The following PTPRE variants were observed in gnomAD, a reference collection of about 807,000 sequenced individuals.
PTPRE encodes protein tyrosine phosphatase receptor type E.
Under a neutral mutation model 102.0 loss-of-function variants are expected in PTPRE, and 51 were observed. The observed-to-expected ratio is 0.50, with a 90% confidence interval of 0.40 to 0.63. PTPRE has a LOEUF of 0.63. Ranked by LOEUF, PTPRE falls within the 30% of genes least tolerant of loss-of-function variation. The probability of loss-of-function intolerance (pLI) is 0.00; values close to 1 mark genes in which losing one functional copy is unlikely to be tolerated. For synonymous variants in PTPRE, 345 were observed against 348.2 expected (o/e 0.99, Z 0.10); for missense variants, 752 against 915.1 (o/e 0.82, Z 2.30).
chr10:127,991,107 C>T (rs1852607384), intron 2 of PTPRE, among the ~76,000 whole-genome samples: 1 of 152,178 alleles, frequency 6.6e-6, no homozygotes. Context: ...CTCGATATCA[C>T]TCTGTTCCCC....
chr10:127,935,357 C>T (rs993382418), intron 1 of PTPRE, among the ~76,000 whole-genome samples: 7 of 152,114 alleles, frequency 4.6e-5, no homozygotes, highest in Non-Finnish European at 8.8e-5. Context: ...CGCTGGTGGG[C>T]GTGTGAGATC....
rs561038224 is a variant in PTPRE, at chr10:128,009,672, T to C, written c.-8+27376T>C. Among the ~76,000 whole-genome samples the C allele has an allele frequency of 3.4e-3, 513 of 152,296 alleles. 2 individuals carry two copies. Among genetic ancestry groups the C allele is most frequent in the Non-Finnish European group, 4.8e-3 (329 of 68,022 alleles). ...AACTTGTGGCCCAGGCTCTTTGCAG[T>C]GCGTGTGCTGCAAAGGACAGCCCTG... On this transcript the variant is annotated intron_variant, in intron 2 of 20. Transcript: ENST00000254667.
chr10:128,028,459 C>A lies in PTPRE; in HGVS notation c.-7-12416C>A, dbSNP rs2135728120. ...TCTTTCTCCAGCTGCCTCTGAAGGT[C>A]ACAGAATCTGCATTTCTTAGGAAAA... On this transcript the variant is annotated intron_variant, in intron 2 of 20. Transcript: ENST00000254667. This position sits in a 1 kb window ranked among gnomAD's most constrained non-coding sequence, Gnocchi z 4.5. Among the ~76,000 whole-genome samples the A allele has an allele frequency of 2.0e-5, 3 of 152,290 alleles. No individual in the cohort carries two copies. In the East Asian group the frequency reaches 5.8e-4, roughly 29 times the overall value.
At chr10:128,029,588 C>T (rs1421427023) in intron 2 of PTPRE, among the ~76,000 whole-genome samples, 2 of 152,144 alleles carry the variant, frequency 1.3e-5, no homozygotes, top group East Asian at 1.9e-4. Flanking sequence ...GCTGAAGGCC[C>T]GTGGGTCTCC....
At chr10:127,975,642 CA>C (rs1290285284) in intron 1 of PTPRE, among the ~76,000 whole-genome samples, 1 of 152,168 alleles carries the variant, frequency 6.6e-6, no homozygotes, top group Admixed American at 6.5e-5. Flanking sequence ...ACTGATTTAA[CA>C]TATCTGAGTA....
intron 3 of PTPRE, among the ~76,000 whole-genome samples, 180 bp downstream of exon 3, chr10:128,041,170 G>T (rs1847659772): frequency 6.6e-6 from 1 of 152,176 alleles, no homozygotes; most frequent in Non-Finnish European, 1.5e-5. Flanking sequence ...TTTAGCATTT[G>T]GTTGTTCAGC....
chr10:127,938,224 G>A (rs1847969545), intron 1 of PTPRE, among the ~76,000 whole-genome samples: 1 of 152,204 alleles, frequency 6.6e-6, no homozygotes, highest in African/African-American at 2.4e-5. Flanking sequence ...TTGTAAAGGA[G>A]CCAGCATAGC....
chr10:128,032,674 G>A (rs1846872029), intron 2 of PTPRE, among the ~76,000 whole-genome samples: 1 of 152,214 alleles, frequency 6.6e-6, no homozygotes, highest in Non-Finnish European at 1.5e-5. Context: ...GGCCACTTGT[G>A]GCACCAGCCA....
chr10:128,036,153 T>A (rs1402529492), intron 2 of PTPRE, among the ~76,000 whole-genome samples: 1 of 151,854 alleles, frequency 6.6e-6, no homozygotes, highest in Non-Finnish European at 1.5e-5. Context: ...CCTTCTGCCC[T>A]CCCCCGAGCC....
intron 7 of PTPRE, among the ~76,000 whole-genome samples, chr10:128,059,914 C>CGT (rs1849372309): frequency 6.7e-6 from 1 of 149,894 alleles, no homozygotes; most frequent in Admixed American, 6.7e-5. Flanking sequence ...GGAGCCCTGA[C>CGT]GTGTGTGTAC....
chr10:128,004,638 C>T (rs1316319299), intron 2 of PTPRE, among the ~76,000 whole-genome samples: 2 of 152,204 alleles, frequency 1.3e-5, no homozygotes, highest in African/African-American at 4.8e-5. Flanking sequence ...TTTGTTTACT[C>T]ATTCATCAGT....
At chr10:127,992,610 G>A (rs1032207736) in intron 2 of PTPRE, among the ~76,000 whole-genome samples, 2 of 152,124 alleles carry the variant, frequency 1.3e-5, no homozygotes, top group Admixed American at 6.5e-5. Flanking sequence ...GGAAACACCC[G>A]AGTTACCCTC....
intron 1 of PTPRE, among the ~76,000 whole-genome samples, chr10:127,976,330 G>A (rs1259062774): frequency 6.6e-6 from 1 of 152,176 alleles, no homozygotes; most frequent in Non-Finnish European, 1.5e-5. Context: ...GACAGACGAG[G>A]CAGTATGGAA....
At chr10:128,027,648 C>G (rs1446701939) in intron 2 of PTPRE, among the ~76,000 whole-genome samples, 3 of 152,168 alleles carry the variant, frequency 2.0e-5, no homozygotes, top group Non-Finnish European at 4.4e-5. Flanking sequence ...GGCTATGGAG[C>G]CTTTGGAAAG....
At chr10:128,010,282 G>T (rs976785788) in intron 2 of PTPRE, among the ~76,000 whole-genome samples, 8 of 152,234 alleles carry the variant, frequency 5.3e-5, no homozygotes, top group African/African-American at 1.7e-4. Flanking sequence ...AAATGGCAGA[G>T]CCCAGGGACT....
intron 17 of PTPRE, among the ~76,000 whole-genome samples, chr10:128,075,871 T>C (rs886643342): frequency 1.3e-5 from 2 of 152,234 alleles, no homozygotes; most frequent in African/African-American, 4.8e-5. Context: ...GTTCCTGCCT[T>C]TCACTGATTT....
chr10:127,950,294 C>G (rs118119943), intron 1 of PTPRE, among the ~76,000 whole-genome samples: 2 of 152,070 alleles, frequency 1.3e-5, no homozygotes, highest in Admixed American at 1.3e-4. Flanking sequence ...AATGCTGCAG[C>G]GCAGGGAATT....
At chr10:127,988,239 G>C (rs1383546753) in intron 2 of PTPRE, among the ~76,000 whole-genome samples, 1 of 151,984 alleles carries the variant, frequency 6.6e-6, no homozygotes, top group Non-Finnish European at 1.5e-5. Context: ...CCTGTGGATT[G>C]AGCAACAGGA....
intron 19 of PTPRE, among the ~76,000 whole-genome samples, chr10:128,078,779 G>A (rs1851449028): frequency 2.0e-5 from 3 of 152,236 alleles, no homozygotes; most frequent in Admixed American, 2.0e-4. Context: ...GAGATGCAGA[G>A]GTGAACAAGA....
Sources: gnomAD v4.1 joint callset for allele counts (sites outside exome capture counted in the v4.1 genomes callset) on GRCh38, gnomAD v4.1.1 for gene constraint, Gnocchi (gnomAD v3.1) non-coding constraint, MANE v1.5 for transcripts, NCBI Gene and HGNC (gene_info 2026-07-23, HGNC 2026-07-21) for gene names.